The following DET1 variants were observed in gnomAD, a reference collection of about 807,000 sequenced individuals.
DET1 encodes DET1 homolog.
DET1 carries 22 observed loss-of-function variants against 43.7 expected under a neutral mutation model. That is an observed-to-expected ratio of 0.50 (90% CI 0.36 to 0.72). The LOEUF (loss-of-function observed/expected upper bound fraction) is 0.72. Ranked by LOEUF, DET1 falls within the 30% of genes least tolerant of loss-of-function variation. The probability of loss-of-function intolerance (pLI) is 0.00; values close to 1 mark genes in which losing one functional copy is unlikely to be tolerated. For missense variants in DET1, 713 were observed against 713.3 expected, an observed-to-expected ratio of 1.00 and a Z score of 0.00; for synonymous variants, 315 against 266.2, an observed-to-expected ratio of 1.18 and a Z score of -1.79.
At chr15:88,507,413 A>C (rs1385942226) in intron 7 of DET1, among the ~76,000 whole-genome samples, 1 of 152,126 alleles carries the variant, frequency 6.6e-6, no homozygotes, top group African/African-American at 2.4e-5. Flanking sequence ...ATATCTATCC[A>C]TTTATTTGAC....
chr15:88,526,252 G>C (rs552485070), intron 3 of DET1, among the ~76,000 whole-genome samples: 43 of 152,282 alleles, frequency 2.8e-4, no homozygotes, highest in African/African-American at 9.1e-4. Context: ...TGGCAGTAAT[G>C]CTTATTCTGA....
chr15:88,536,506 G>A lies in DET1; in HGVS notation c.-10-4791C>T, dbSNP rs1317837008. On this transcript the variant is annotated intron_variant, in intron 1 of 4. Coordinates refer to ENST00000268148, the MANE Select transcript of DET1 (RefSeq NM_001144074.3). ...TAAAAGAGGAACAAACTGGCCGGGT[G>A]CAGTGGCTCACGCCTGTAATACCAG... 19 of 538,250 alleles carry A rather than the reference G, an allele frequency of 3.5e-5. No homozygotes were observed. The South Asian group carries it at 4.2e-4, about 12-fold the overall frequency. 33.3% of individuals were successfully genotyped at this position (538,250 alleles called of 1,614,324 possible).
intron 7 of DET1, chr15:88,505,021 G>T (rs1477290543): frequency 6.6e-6 from 1 of 152,122 alleles, no homozygotes. Context: ...TAAGATATAC[G>T]TATTCAAAAA....
chr15:88,543,880 T>G (rs184128755), intron 1 of DET1, among the ~76,000 whole-genome samples: 2 of 152,224 alleles, frequency 1.3e-5, no homozygotes, highest in Admixed American at 1.3e-4. Flanking sequence ...CCCAGGTAAA[T>G]GCCAAGCAAG....
intron 2 of DET1, among the ~76,000 whole-genome samples, chr15:88,528,206 T>A (rs1245808469): frequency 6.6e-6 from 1 of 152,280 alleles, no homozygotes; most frequent in South Asian, 2.1e-4. Context: ...AATGCCAGAT[T>A]TAATTTTCTT....
At chr15:88,518,484 C>T (rs1195053901) in intron 3 of DET1, among the ~76,000 whole-genome samples, 1 of 152,088 alleles carries the variant, frequency 6.6e-6, no homozygotes, top group Non-Finnish European at 1.5e-5. Context: ...TATAATATGG[C>T]TAAAAACACA....
intron 1 of DET1, among the ~76,000 whole-genome samples, chr15:88,533,134 A>C (rs562294177): frequency 6.6e-6 from 1 of 152,228 alleles, no homozygotes; most frequent in African/African-American, 2.4e-5. Flanking sequence ...AAAGTACTGG[A>C]ACAGACATTT....
intron 3 of DET1, among the ~76,000 whole-genome samples, chr15:88,518,626 T>C (rs939594014): frequency 6.6e-6 from 1 of 152,188 alleles, no homozygotes; most frequent in Non-Finnish European, 1.5e-5. Context: ...GAATGTCAAC[T>C]GTCTATCAGT....
At chr15:88,511,413 G>T, downstream of DET1, 1 of 985,438 alleles carries the variant, frequency 1.0e-6, no homozygotes, top group Non-Finnish European at 1.2e-6. Context: ...GTATGCTGCA[G>T]CTGTATTTGC....
downstream of DET1, among the ~76,000 whole-genome samples, chr15:88,510,246 T>C (rs964460816): frequency 2.0e-5 from 3 of 152,066 alleles, no homozygotes; most frequent in Non-Finnish European, 4.4e-5. Context: ...AGATCTAAGA[T>C]AGGATCAATG....
At chr15:88,539,025 A>T (rs1378873991) in intron 1 of DET1, among the ~76,000 whole-genome samples, 1 of 151,948 alleles carries the variant, frequency 6.6e-6, no homozygotes, top group Non-Finnish European at 1.5e-5. Context: ...GGTCCTGATC[A>T]GGCCCCTCCC....
chr15:88,536,265 C>T, intron 1 of DET1: 2 of 752,686 alleles, frequency 2.7e-6, no homozygotes, highest in Middle Eastern at 2.3e-4. Context: ...CTGATACACC[C>T]TATATTATTA....
intron 3 of DET1, among the ~76,000 whole-genome samples, chr15:88,520,144 T>C (rs2056450569): frequency 2.6e-5 from 4 of 152,168 alleles, no homozygotes; most frequent in African/African-American, 9.7e-5. Flanking sequence ...CCTAAACTGT[T>C]TCCCCTTCTC....
chr15:88,527,114 C>A (rs181360662), intron 3 of DET1, among the ~76,000 whole-genome samples: 9 of 152,272 alleles, frequency 5.9e-5, no homozygotes, highest in African/African-American at 7.2e-5. Flanking sequence ...TCCTATCTCC[C>A]ATCATCTCCT....
At chr15:88,503,199 G>A (rs548103300) in intron 8 of DET1, 4 of 152,128 alleles carry the variant, frequency 2.6e-5, no homozygotes, top group East Asian at 1.9e-4. Context: ...GGGAGGCGGC[G>A]GTTGCAAGAG....
intron 2 of DET1, among the ~76,000 whole-genome samples, chr15:88,528,142 T>A (rs1435671199): frequency 1.3e-5 from 2 of 152,228 alleles, no homozygotes. Flanking sequence ...TCCTTCCAAG[T>A]GTTTATTCCC....
At position 88,518,379 on chromosome 15, in the gene DET1, G is replaced by C. The variant is rs868829492; in HGVS notation, c.1272-1406C>G. Reference sequence around the variant, plus strand: ...TTATAGAGGAAGAAAAAATTAAAAAGCTAATGGAAAACTACCATTTTCAAA... The same window carrying C: ...TTATAGAGGAAGAAAAAATTAAAAACCTAATGGAAAACTACCATTTTCAAA... On this transcript the variant is annotated intron_variant, in intron 3 of 4. Transcript: ENST00000268148. Among the ~76,000 whole-genome samples, 2 of 152,226 alleles carry C rather than the reference G, an allele frequency of 1.3e-5. 1 individual carries two copies. Among genetic ancestry groups the C allele is most frequent in the South Asian group, 4.1e-4 (2 of 4,830 alleles).
chr15:88,532,301 TCAAACAAA>T (rs71853051), intron 1 of DET1, among the ~76,000 whole-genome samples: 5 of 151,660 alleles, frequency 3.3e-5, no homozygotes, highest in Admixed American at 2.6e-4. Flanking sequence ...AGACTCTATC[TCAAACAAA>T]CAAACAAAAA....
chr15:88,528,892 C>T (rs1330601422), intron 2 of DET1, among the ~76,000 whole-genome samples: 1 of 152,152 alleles, frequency 6.6e-6, no homozygotes, highest in Non-Finnish European at 1.5e-5. Context: ...ATTAAAGAGG[C>T]TAGAGGGTAA....
Sources: gnomAD v4.1 joint callset for allele counts (sites outside exome capture counted in the v4.1 genomes callset) on GRCh38, gnomAD v4.1.1 for gene constraint, MANE v1.5 for transcripts, NCBI Gene and HGNC (gene_info 2026-07-23, HGNC 2026-07-21) for gene names.